Variants in UBR7 observed in about 807,000 individuals in gnomAD.
The protein encoded by UBR7 is ubiquitin protein ligase E3 component n-recognin 7.
A neutral mutation model predicts 57.0 loss-of-function variants in UBR7; 22 were observed. That is an observed-to-expected ratio of 0.39 (90% CI 0.28 to 0.55). UBR7 has a LOEUF of 0.55. Among genes scored for constraint, UBR7 ranks in the 20% least tolerant of loss-of-function variants. The pLI, the probability that UBR7 is intolerant of heterozygous loss-of-function variation, is 0.69. For missense variants in UBR7, 395 were observed against 513.2 expected (o/e 0.77, Z 2.23); for synonymous variants, 167 against 179.8 (o/e 0.93, Z 0.57).
At chr14:93,224,824 T>C (rs1894812823) in intron 10 of UBR7, among the ~76,000 whole-genome samples, 1 of 152,236 alleles carries the variant, frequency 6.6e-6, no homozygotes, top group Non-Finnish European at 1.5e-5. Flanking sequence ...TGTGGTAACC[T>C]CTGAACTGTC....
rs1169170403 is a variant in UBR7, at chr14:93,222,245, A to G, written c.1124-68A>G. 8 of 1,171,092 alleles carry G rather than the reference A, an allele frequency of 6.8e-6. No homozygotes were observed. The Admixed American group carries it at 1.1e-4, about 16-fold the overall frequency. 72.5% of individuals were successfully genotyped at this position (1,171,092 alleles called of 1,614,324 possible). A position where few individuals can be genotyped will look rare whatever the true frequency, so the allele number is the denominator to read the frequency against. ...ATTAACAGACTCAGGTGTCAATGGC[A>G]AAGAATATTTTGTTTTTGAAAGCAA... On this transcript the variant is annotated intron_variant, in intron 9 of 10. Transcript: ENST00000013070.
intron 1 of UBR7, 66 bp downstream of exon 1, chr14:93,207,507 G>A (rs1215497394): frequency 1.4e-6 from 2 of 1,475,230 alleles, no homozygotes; most frequent in Non-Finnish European, 1.8e-6. Context: ...CGGCCCGGCT[G>A]TCCCTATTCC....
At chr14:93,218,808 C>A in intron 7 of UBR7, 73 bp downstream of exon 7, 2 of 1,503,044 alleles carry the variant, frequency 1.3e-6, no homozygotes, top group Admixed American at 1.8e-5. Context: ...ATAATCCCAG[C>A]ACTTTGGGAG....
rs77806463 is a variant in UBR7, at chr14:93,228,796, A to G, written c.*1761A>G. ...GTCCGGAAAACTTTTAATCTTCTCA[A>G]ATATCTGATGTAACTACCAGAAAGT... On this transcript the variant is annotated 3_prime_UTR_variant, in exon 11 of 11. Coordinates refer to ENST00000013070, the MANE Select transcript of UBR7 (RefSeq NM_175748.4). The G allele has an allele frequency of 4.4e-3, 2,015 of 454,096 alleles. 30 individuals are homozygous for G. Among genetic ancestry groups the G allele is most frequent in the African/African-American group, 0.036 (1,805 of 50,120 alleles). The allele number at this position is 454,096 out of a possible 1,614,324, so 28.1% of individuals were successfully genotyped here.
chr14:93,214,868 C>A, intron 4 of UBR7, 61 bp from the exon 5 acceptor site: 1 of 1,418,010 alleles, frequency 7.1e-7, no homozygotes, highest in Non-Finnish European at 1.0e-6. Flanking sequence ...TACTGTGTGC[C>A]AGGTTATTTC....
chr14:93,214,316 G>A (rs1017097), intron 4 of UBR7, among the ~76,000 whole-genome samples: 53,624 of 152,028 alleles, frequency 0.35, 9,925 homozygotes, highest in South Asian at 0.46. Flanking sequence ...AGAAGCCTAC[G>A]ATAGGAAAAG....
At chr14:93,219,134 GAAAT>G (rs756672513) in intron 7 of UBR7, 74 bp from the exon 8 acceptor site, 1 of 1,517,718 alleles carries the variant, frequency 6.6e-7, no homozygotes, top group Non-Finnish European at 9.0e-7. Flanking sequence ...TTTGCCTAAA[GAAAT>G]CTCTTTACAA....
Position 93,227,585 on chromosome 14 carries a change from T to A in UBR7, c.*550T>A, listed in dbSNP as rs1429432091. The A allele has an allele frequency of 2.9e-6, 2 of 700,216 alleles. No homozygotes were observed. The highest frequency in any genetic ancestry group is 4.0e-5 in the Admixed American group (2 of 50,008). The allele number at this position is 700,216 out of a possible 1,614,324, so 43.4% of individuals were successfully genotyped here. ...CATAGCTTAGAAAGGATCTTGGGGC[T>A]TGTTTTCTCTAGGCCCAACCTCCAG... On this transcript the variant is annotated 3_prime_UTR_variant, in exon 11 of 11. Transcript: ENST00000013070.
chr14:93,227,693 C>A lies in UBR7; in HGVS notation c.*658C>A, dbSNP rs955552787. On this transcript the variant is annotated 3_prime_UTR_variant, in exon 11 of 11. Transcript: ENST00000013070. ...CAGATGACAGGGTTGAGGAAGCAAG[C>A]CTTTGTTATGAATTTTACTAATACA... 6 of 700,782 alleles carry A rather than the reference C, an allele frequency of 8.6e-6. No homozygotes were observed. The highest frequency in any genetic ancestry group is 7.4e-5 in the South Asian group (5 of 67,504). 43.4% of individuals were successfully genotyped at this position (700,782 alleles called of 1,614,324 possible). A position where few individuals can be genotyped will look rare whatever the true frequency, so the allele number is the denominator to read the frequency against.
At position 93,228,304 on chromosome 14, in the gene UBR7, T is replaced by G; in HGVS notation, c.*1269T>G. ...CTCAGTCTATGTAGGAAATGCCTTG[T>G]GATACATAGAGAACCCTCAGCTTCT... is the stretch of plus-strand genomic sequence containing the variant. On this transcript the variant is annotated 3_prime_UTR_variant, in exon 11 of 11. Transcript: ENST00000013070. The G allele has an allele frequency of 2.2e-6, 1 of 456,704 alleles. No homozygotes were observed. Among genetic ancestry groups the G allele is most frequent in the South Asian group, 1.6e-5 (1 of 64,492 alleles). The allele number at this position is 456,704 out of a possible 1,614,324, so 28.3% of individuals were successfully genotyped here.
At chr14:93,222,189 C>T (rs1235215554) in intron 9 of UBR7, 124 bp from the exon 10 acceptor site, 8 of 705,094 alleles carry the variant, frequency 1.1e-5, no homozygotes, top group African/African-American at 7.2e-5. Flanking sequence ...ATGCAGCTTT[C>T]ACTTAAGAAA....
chr14:93,208,674 A>T (rs1894418181), intron 1 of UBR7, among the ~76,000 whole-genome samples: 1 of 152,028 alleles, frequency 6.6e-6, no homozygotes, highest in African/African-American at 2.4e-5. Flanking sequence ...CAAAAGGCTT[A>T]TTGGAATAGA....
Position 93,218,728 on chromosome 14 carries a change from A to T in UBR7, c.803A>T (p.Asp268Val). Residue 268 changes from aspartate to valine, a missense_variant, in exon 7 of 11, where the codon GAT becomes GTT. By Grantham distance (152) the Asp-to-Val change is radical. Coordinates refer to ENST00000013070, the MANE Select transcript of UBR7 (RefSeq NM_175748.4). ...TGTGCCGGCTCTAGTTCTGAATCTG[A>T]TCTCCAGGTAATGTGTGAAGTACGA... ...EPCAGSSSES[D>V]LQTVFKNESL... The T allele has an allele frequency of 6.2e-7, 1 of 1,613,208 alleles. No homozygotes were observed. The highest frequency in any genetic ancestry group is 1.1e-5 in the South Asian group (1 of 91,074).
intron 10 of UBR7, chr14:93,223,492 T>G (rs1894756090): frequency 3.5e-6 from 2 of 564,506 alleles, no homozygotes; most frequent in Non-Finnish European, 6.3e-6. Flanking sequence ...TTAGAAGATG[T>G]CATCTCTGTC....
At chr14:93,210,032 CTTG>C in intron 2 of UBR7, 75 bp downstream of exon 2, 1 of 1,512,890 alleles carries the variant, frequency 6.6e-7, no homozygotes, top group South Asian at 1.2e-5. Context: ...TTTTCCTAAT[CTTG>C]TTTTTTCATG....
In UBR7 at chr14:93,220,300, G is replaced by T; in HGVS notation, c.1012G>T (p.Val338Phe). The change falls in exon 9 of 11, where the codon GTT becomes TTT. Residue 338 changes from valine (V) to phenylalanine (F), a missense_variant. Coordinates refer to ENST00000013070, the MANE Select transcript of UBR7 (RefSeq NM_175748.4). ...VLFLTDEYDT[V>F]LAYENKGKIA... ...ATTCCTGACAGATGAATACGACACA[G>T]TTCTGGCTTATGAAAACAAAGGGAA... is the stretch of plus-strand genomic sequence containing the variant. 1.9e-6 allele frequency: 3 copies of T among 1,608,506 alleles called. No homozygotes were observed. The highest frequency in any genetic ancestry group is 2.5e-6 in the Non-Finnish European group (3 of 1,179,376).
chr14:93,216,862 C>T (rs1247561640), intron 6 of UBR7, among the ~76,000 whole-genome samples: 2 of 151,944 alleles, frequency 1.3e-5, no homozygotes, highest in Admixed American at 6.6e-5. Context: ...GTGATCCACC[C>T]GCCTCGGTCT....
At chr14:93,225,843 ATTTCCTTTTACTTACG>A (rs1158009747) in intron 10 of UBR7, among the ~76,000 whole-genome samples, 5 of 152,140 alleles carry the variant, frequency 3.3e-5, no homozygotes, top group Non-Finnish European at 7.4e-5. Flanking sequence ...TGCTAGAGAT[ATTTCCTTTTACTTACG>A]GGCTTTCTGT....
chr14:93,210,957 A>T (rs1015902393), intron 3 of UBR7, among the ~76,000 whole-genome samples: 2 of 152,210 alleles, frequency 1.3e-5, no homozygotes, highest in Non-Finnish European at 2.9e-5. Flanking sequence ...AGGTTTAATT[A>T]TATTGGTTGT....
Sources: allele counts gnomAD v4.1 joint callset (sites outside exome capture counted in the v4.1 genomes callset), GRCh38; gene constraint gnomAD v4.1.1; transcripts MANE v1.5; gene names NCBI Gene and HGNC (gene_info 2026-07-23, HGNC 2026-07-21).